TRMU: variants seen among roughly 807,000 people sequenced by gnomAD.
TRMU encodes tRNA mitochondrial 2-thiouridylase, also known as mitochondrial tRNA-specific 2-thiouridylase 1.
A neutral mutation model predicts 46.9 loss-of-function variants in TRMU; 49 were observed. The observed-to-expected ratio is 1.05, with a 90% CI of 0.83 to 1.33. The LOEUF (loss-of-function observed/expected upper bound fraction) is 1.33. Among genes scored for constraint, TRMU ranks in the 40% most tolerant of loss-of-function variants. The probability of loss-of-function intolerance (pLI) is 0.00; values close to 1 mark genes in which losing one functional copy is unlikely to be tolerated. For synonymous variants in TRMU, 241 were observed against 200.9 expected, an observed-to-expected ratio of 1.20 and a Z score of -1.69; for missense variants, 572 against 532.4, an observed-to-expected ratio of 1.07 and a Z score of -0.73.
Position 46,338,150 on chromosome 22 carries a change from T to C in TRMU, c.248+206T>C, listed in dbSNP as rs2078029607. On this transcript the variant is annotated intron_variant, in intron 2 of 10. Coordinates refer to ENST00000645190, the MANE Select transcript of TRMU (RefSeq NM_018006.5). The surrounding 1 kb of genome is among the most constrained non-coding windows in gnomAD (Gnocchi z 4.5). ...GGACCCCACAGCACACCCAGCTCTC[T>C]CACTCCTGTCATTTTGCCACTTGCC... The C allele has an allele frequency of 3.3e-6, 2 of 610,216 alleles. No individual in the cohort carries two copies. Among genetic ancestry groups the C allele is most frequent in the South Asian group, 3.6e-5 (2 of 55,182 alleles). 37.8% of individuals were successfully genotyped at this position (610,216 alleles called of 1,614,324 possible). A position where few individuals can be genotyped will look rare whatever the true frequency, so the allele number is the denominator to read the frequency against.
chr22:46,349,744 C>G lies in TRMU; in HGVS notation c.479-547C>G, dbSNP rs118064062. ...CCTAACAGATGTCAGCTGAGACTCT[C>G]AACAAAAAAACGTTTTTACCAAGAA... On this transcript the variant is annotated intron_variant, in intron 4 of 10. Transcript: ENST00000645190. This position sits in a 1 kb window ranked among gnomAD's most constrained non-coding sequence, Gnocchi z 4.6. 1.6e-4 allele frequency among the ~76,000 whole-genome samples: 25 copies of G among 152,158 alleles called. No homozygotes were observed. The East Asian group carries it at 4.6e-3, about 28-fold the overall frequency.
At chr22:46,346,569 G>A in intron 4 of TRMU, 25 bp downstream of exon 4, 1 of 1,604,110 alleles carries the variant, frequency 6.2e-7, no homozygotes, top group Non-Finnish European at 8.5e-7. Context: ...CCAGGTCAGA[G>A]CCAAATTCTT....
Position 46,347,785 on chromosome 22 carries a change from A to G in TRMU, c.478+1241A>G, listed in dbSNP as rs1601961035. The stretch of plus-strand genomic sequence containing the variant: ...GGGTGGCAGAGCTGGATTTCAGTGC[A>G]CTTCCGCTCACTCCCCAGCCCCTGC... On this transcript the variant is annotated intron_variant, in intron 4 of 10. Transcript: ENST00000645190. This position sits in a 1 kb window ranked among gnomAD's most constrained non-coding sequence, Gnocchi z 5.0. Among the ~76,000 whole-genome samples, 2 of 152,110 alleles carry G rather than the reference A, an allele frequency of 1.3e-5. No individual in the cohort carries two copies. Among genetic ancestry groups the G allele is most frequent in the South Asian group, 4.1e-4 (2 of 4,828 alleles).
chr22:46,353,619 G>T, intron 7 of TRMU, 148 bp from the exon 8 acceptor site: 1 of 709,730 alleles, frequency 1.4e-6, no homozygotes. Context: ...GGCTGGCTTT[G>T]GTGGTTGGAG....
chr22:46,353,607 AG>A, intron 7 of TRMU, 159 bp from the exon 8 acceptor site: 1 of 654,660 alleles, frequency 1.5e-6, no homozygotes, highest in Non-Finnish European at 2.8e-6. Context: ...GTGCTTGGTC[AG>A]GGCTGGCTTT....
chr22:46,338,309 A>G lies in TRMU; in HGVS notation c.248+365A>G, dbSNP rs1195750955. 1 of 298,010 alleles carries G rather than the reference A, an allele frequency of 3.4e-6. No homozygotes were observed. Among genetic ancestry groups the G allele is most frequent in the Non-Finnish European group, 6.6e-6 (1 of 150,990 alleles). The allele number at this position is 298,010 out of a possible 1,614,324, so 18.5% of individuals were successfully genotyped here. On this transcript the variant is annotated intron_variant, in intron 2 of 10. Coordinates refer to ENST00000645190, the MANE Select transcript of TRMU (RefSeq NM_018006.5). The surrounding 1 kb of genome is among the most constrained non-coding windows in gnomAD (Gnocchi z 4.5). ...TGCTATGTGGGTCAGCGATTAGGGG[A>G]TTTCTGAGAAAGAGGTGATACATGG...
Position 46,348,033 on chromosome 22 carries a change from TAA to T in TRMU, c.478+1490_478+1491del, listed in dbSNP as rs1267737343. 1.3e-5 allele frequency among the ~76,000 whole-genome samples: 2 copies of T among 151,522 alleles called. No individual in the cohort carries two copies. Among genetic ancestry groups the T allele is most frequent in the Non-Finnish European group, 2.9e-5 (2 of 67,812 alleles). ...CCCAGAGAAGAGCAGCCCACTCCCG[TAA>T]GACAGCCCCCCATTTCAGGAAGACA... On this transcript the variant is annotated intron_variant, in intron 4 of 10. Coordinates refer to ENST00000645190, the MANE Select transcript of TRMU (RefSeq NM_018006.5). This position sits in a 1 kb window ranked among gnomAD's most constrained non-coding sequence, Gnocchi z 4.8.
rs2078145854 is a variant in TRMU, at chr22:46,342,435, C to T, written c.249-827C>T. ...ACAAGTGTAGCTGTGCAGAAGCTCT[C>T]TGAACCCAGTACTCCTGGGTTTTTA... On this transcript the variant is annotated intron_variant, in intron 2 of 10. Coordinates refer to ENST00000645190, the MANE Select transcript of TRMU (RefSeq NM_018006.5). The surrounding 1 kb of genome is among the most constrained non-coding windows in gnomAD (Gnocchi z 4.7). Among the ~76,000 whole-genome samples, 1 of 152,198 alleles carries T rather than the reference C, an allele frequency of 6.6e-6. No individual in the cohort carries two copies. The highest frequency in any genetic ancestry group is 6.5e-5 in the Admixed American group (1 of 15,290).
chr22:46,355,989 G>A lies in TRMU; in HGVS notation c.1019-1G>A, dbSNP rs773484808. On this transcript the variant is annotated splice_acceptor_variant, in intron 9 of 10. Coordinates refer to ENST00000645190, the MANE Select transcript of TRMU (RefSeq NM_018006.5). LOFTEE classifies it high-confidence loss of function. ...TCCAAGGGCCCCTCTCTTCTACCCA[G>A]TGCCCTGTGTGCTGACCCTCAATCA... 1 of 1,613,974 alleles carries A rather than the reference G, an allele frequency of 6.2e-7. No individual in the cohort carries two copies. The highest frequency in any genetic ancestry group is 1.1e-5 in the South Asian group (1 of 91,082).
chr22:46,349,957 A>G lies in TRMU; in HGVS notation c.479-334A>G, dbSNP rs2078363799. Among the ~76,000 whole-genome samples the G allele has an allele frequency of 6.6e-6, 1 of 150,516 alleles. No individual in the cohort carries two copies. Among genetic ancestry groups the G allele is most frequent in the Non-Finnish European group, 1.5e-5 (1 of 67,718 alleles). ...CAACTAGCTTACTCCATTTTCCAAG[A>G]TTTGGCTGAATTTATTTTAGGTGTT... On this transcript the variant is annotated intron_variant, in intron 4 of 10. Transcript: ENST00000645190. The surrounding 1 kb of genome is among the most constrained non-coding windows in gnomAD (Gnocchi z 4.6).
chr22:46,351,644 GGGGCCAC>G lies in TRMU; in HGVS notation c.652-474_652-468del. On this transcript the variant is annotated intron_variant, in intron 5 of 10. Coordinates refer to ENST00000645190, the MANE Select transcript of TRMU (RefSeq NM_018006.5). This position sits in a 1 kb window ranked among gnomAD's most constrained non-coding sequence, Gnocchi z 6.4. ...CAGAGTAAACGATGCAGCCCCTGAT[GGGGCCAC>G]GGTGGAGAGCGCACGCCACCCAGGC... is the stretch of plus-strand genomic sequence containing the variant. 1 of 259,458 alleles carries G rather than the reference GGGGCCAC, an allele frequency of 3.9e-6. No homozygotes were observed. The highest frequency in any genetic ancestry group is 9.3e-5 in the East Asian group (1 of 10,770). The allele number at this position is 259,458 out of a possible 1,614,324, so 16.1% of individuals were successfully genotyped here.
rs762447209 is a variant in TRMU at position 46,349,422 on chromosome 22, C to T, written c.479-869C>T. On this transcript the variant is annotated intron_variant, in intron 4 of 10. Transcript: ENST00000645190. The surrounding 1 kb of genome is among the most constrained non-coding windows in gnomAD (Gnocchi z 4.6). ...ATCGGCAGATGGAAAACACTAGCTACGCAGAGTGTGTACTGTACACGTGGC... is the reference window on the plus strand; with the variant it reads ...ATCGGCAGATGGAAAACACTAGCTATGCAGAGTGTGTACTGTACACGTGGC... 1.1e-4 allele frequency among the ~76,000 whole-genome samples: 17 copies of T among 152,192 alleles called. No individual in the cohort carries two copies. Among genetic ancestry groups the T allele is most frequent in the African/African-American group, 2.4e-4 (10 of 41,438 alleles).
At chr22:46,356,376 A>C (rs2078608405) in intron 10 of TRMU, 1 of 470,200 alleles carries the variant, frequency 2.1e-6, no homozygotes, top group Non-Finnish European at 3.9e-6. Context: ...CAGTGCTCAA[A>C]GAGGCAGAGG....
rs2078301593 is a variant in TRMU at position 46,347,907 on chromosome 22, A to G, written c.478+1363A>G. ...GATGGGGCAGGGCCGTGCTTGGTCAAGGGAGCCCTGAGTGTGCCAACAGTC... is the reference window on the plus strand; with the variant it reads ...GATGGGGCAGGGCCGTGCTTGGTCAGGGGAGCCCTGAGTGTGCCAACAGTC... On this transcript the variant is annotated intron_variant, in intron 4 of 10. Coordinates refer to ENST00000645190, the MANE Select transcript of TRMU (RefSeq NM_018006.5). This position sits in a 1 kb window ranked among gnomAD's most constrained non-coding sequence, Gnocchi z 5.0. Among the ~76,000 whole-genome samples, 1 of 152,186 alleles carries G rather than the reference A, an allele frequency of 6.6e-6. No individual in the cohort carries two copies. Among genetic ancestry groups the G allele is most frequent in the African/African-American group, 2.4e-5 (1 of 41,438 alleles).
chr22:46,343,229 A>T, intron 2 of TRMU, 33 bp from the exon 3 acceptor site: 3 of 1,457,582 alleles, frequency 2.1e-6, no homozygotes, highest in Non-Finnish European at 2.9e-6. Flanking sequence ...AATGTTTCAC[A>T]CTTGGAACTG....
At position 46,356,733 on chromosome 22, in the gene TRMU, T is replaced by C. The variant is rs2147122317; in HGVS notation, c.1102-109T>C. ...AAACCCTGCTCCCCTGGGAGCTCAGTGCCTGGTGCTCCGAGCACAGGCCAG... is the reference window on the plus strand; with the variant it reads ...AAACCCTGCTCCCCTGGGAGCTCAGCGCCTGGTGCTCCGAGCACAGGCCAG... On this transcript the variant is annotated intron_variant, in intron 10 of 10. Transcript: ENST00000645190. 3.7e-6 allele frequency: 5 copies of C among 1,335,542 alleles called. No homozygotes were observed. In the South Asian group the frequency reaches 3.9e-5, roughly 10 times the overall value. The allele number at this position is 1,335,542 out of a possible 1,614,324, so 82.7% of individuals were successfully genotyped here. A position where few individuals can be genotyped will look rare whatever the true frequency, so the allele number is the denominator to read the frequency against.
chr22:46,346,063 G>A (rs547581426), intron 3 of TRMU, among the ~76,000 whole-genome samples: 23 of 152,304 alleles, frequency 1.5e-4, no homozygotes, highest in Non-Finnish European at 2.8e-4. Flanking sequence ...GAGCCACCGC[G>A]CCTGGCCTCC....
In TRMU at chr22:46,350,141, T is replaced by A; in HGVS notation, c.479-150T>A. The A allele has an allele frequency of 1.2e-6, 1 of 810,628 alleles. No individual in the cohort carries two copies. The highest frequency in any genetic ancestry group is 1.9e-6 in the Non-Finnish European group (1 of 514,754). The allele number at this position is 810,628 out of a possible 1,614,324, so 50.2% of individuals were successfully genotyped here. ...GAATTTTTCTTACATTAACCCGTGG[T>A]GGTCTTTTCCCTAGTAGTTGCTATT... On this transcript the variant is annotated intron_variant, in intron 4 of 10. Transcript: ENST00000645190. The surrounding 1 kb of genome is among the most constrained non-coding windows in gnomAD (Gnocchi z 4.6).
intron 2 of TRMU, among the ~76,000 whole-genome samples, chr22:46,341,704 CTA>C (rs140432762): frequency 0.03 from 4,507 of 152,262 alleles, 231 homozygotes; most frequent in African/African-American, 0.1. Context: ...TCCTCGAAGA[CTA>C]TGAAATTCTT....
Sources: allele counts gnomAD v4.1 joint callset (sites outside exome capture counted in the v4.1 genomes callset), GRCh38; gene constraint gnomAD v4.1.1; non-coding constraint Gnocchi (gnomAD v3.1); transcripts MANE v1.5; gene names NCBI Gene and HGNC (gene_info 2026-07-23, HGNC 2026-07-21).